TRAK1: variants seen among roughly 807,000 people sequenced by gnomAD.
The protein encoded by TRAK1 is trafficking kinesin protein 1.
Under a neutral mutation model 92.1 loss-of-function variants are expected in TRAK1, and 33 were observed. The observed-to-expected ratio is 0.36, with a 90% CI of 0.27 to 0.48. The LOEUF is 0.48. TRAK1 is among the 20% of genes least tolerant of loss of function. The pLI, the probability that TRAK1 is intolerant of heterozygous loss-of-function variation, is 0.99. For missense variants in TRAK1, 1,123 were observed against 1,257.9 expected, an observed-to-expected ratio of 0.89 and a Z score of 1.62; for synonymous variants, 521 against 517.3, an observed-to-expected ratio of 1.01 and a Z score of -0.10.
intron 1 of TRAK1, among the ~76,000 whole-genome samples, chr3:42,054,854 C>CTGTA (rs1703132003): frequency 7.1e-6 from 1 of 141,076 alleles, no homozygotes; most frequent in Non-Finnish European, 1.5e-5. Context: ...ATGCCCAAAG[C>CTGTA]TGTAGACTTA....
At chr3:42,218,308 A>C in intron 14 of TRAK1, 1 of 985,396 alleles carries the variant, frequency 1.0e-6, no homozygotes, top group Non-Finnish European at 1.2e-6. Flanking sequence ...AAGAGAAAAT[A>C]TACCATAAGG....
chr3:42,182,518 C>A (rs1704167926), intron 3 of TRAK1, among the ~76,000 whole-genome samples: 1 of 152,152 alleles, frequency 6.6e-6, no homozygotes, highest in African/African-American at 2.4e-5. Flanking sequence ...GTCTCAAACT[C>A]CTGACCTCAA....
At chr3:42,219,635 G>A (rs561214634) in intron 15 of TRAK1, 39 bp downstream of exon 15, 14 of 1,598,180 alleles carry the variant, frequency 8.8e-6, no homozygotes, top group Non-Finnish European at 1.0e-5. Context: ...GGGGTGGGGT[G>A]AAGTCAGGGC....
chr3:42,206,819 A>G (rs2149491941), intron 13 of TRAK1, among the ~76,000 whole-genome samples: 1 of 152,310 alleles, frequency 6.6e-6, no homozygotes, highest in South Asian at 2.1e-4. Context: ...TTTCTGTGGC[A>G]TCCTTAACTC....
chr3:42,078,769 A>AAAGAAAGAAAG (rs745414247), intron 1 of TRAK1, among the ~76,000 whole-genome samples: 2 of 144,484 alleles, frequency 1.4e-5, no homozygotes, highest in Admixed American at 6.9e-5. Flanking sequence ...AAAAAAAAAA[A>AAAGAAAGAAAG]AAAGAAAGAA....
chr3:42,066,911 T>A (rs942295994), intron 1 of TRAK1, among the ~76,000 whole-genome samples: 3 of 152,200 alleles, frequency 2.0e-5, no homozygotes, highest in African/African-American at 2.4e-5. Flanking sequence ...CCCCTCTGTG[T>A]CTTTGGTCCT....
intron 1 of TRAK1, among the ~76,000 whole-genome samples, chr3:42,056,480 T>G (rs1437685313): frequency 6.6e-6 from 1 of 152,246 alleles, no homozygotes; most frequent in African/African-American, 2.4e-5. Context: ...TTTGAAATTA[T>G]TATTGAAATA....
At chr3:42,205,768 T>A (rs1708257147) in intron 13 of TRAK1, among the ~76,000 whole-genome samples, 1 of 152,240 alleles carries the variant, frequency 6.6e-6, no homozygotes, top group Non-Finnish European at 1.5e-5. Flanking sequence ...TGGGGTTTCC[T>A]CTCCTTTGAT....
At chr3:42,160,588 T>A in intron 2 of TRAK1, 1 of 1,158,550 alleles carries the variant, frequency 8.6e-7, no homozygotes, top group Non-Finnish European at 1.2e-6. Context: ...TAAGTTGAGG[T>A]ATAAGTTAGA....
chr3:42,072,377 C>CTGGTAAAGGT (rs1703969944), intron 1 of TRAK1, among the ~76,000 whole-genome samples: 1 of 148,294 alleles, frequency 6.7e-6, no homozygotes, highest in African/African-American at 2.6e-5. Context: ...GAAAGCTCTG[C>CTGGTAAAGGT]TCGTAAAGGT....
intron 1 of TRAK1, among the ~76,000 whole-genome samples, chr3:42,100,716 G>T (rs1037660826): frequency 1.3e-5 from 2 of 152,152 alleles, no homozygotes. Flanking sequence ...GCCCAGGCTG[G>T]AGTGCAATGG....
At chr3:42,016,840 A>G (rs998194685) in intron 1 of TRAK1, among the ~76,000 whole-genome samples, 1 of 152,220 alleles carries the variant, frequency 6.6e-6, no homozygotes, top group African/African-American at 2.4e-5. Flanking sequence ...TGAGAGTTGC[A>G]GATATTCAGT....
At chr3:42,145,575 G>A (rs1699229395) in intron 2 of TRAK1, 1 of 151,710 alleles carries the variant, frequency 6.6e-6, no homozygotes, top group Admixed American at 6.6e-5. Context: ...ACATTTTCAT[G>A]CCTTAGCATA....
chr3:42,155,522 A>G (rs1399605482), intron 2 of TRAK1, among the ~76,000 whole-genome samples: 1 of 152,134 alleles, frequency 6.6e-6, no homozygotes, highest in African/African-American at 2.4e-5. Flanking sequence ...ATGTGGGCAG[A>G]AGTTAGCAGC....
chr3:42,101,982 C>T (rs1346577203), intron 1 of TRAK1, among the ~76,000 whole-genome samples: 1 of 152,090 alleles, frequency 6.6e-6, no homozygotes, highest in African/African-American at 2.4e-5. Context: ...TGAAATATCA[C>T]GTACTTATTT....
intron 14 of TRAK1, chr3:42,211,462 G>A (rs1709017478): frequency 2.0e-6 from 2 of 985,284 alleles, no homozygotes; most frequent in African/African-American, 1.7e-5. Context: ...AGAGAAACCA[G>A]CTGCGGTACT....
chr3:42,154,357 G>C (rs1451826634), intron 2 of TRAK1, among the ~76,000 whole-genome samples: 1 of 152,126 alleles, frequency 6.6e-6, no homozygotes, highest in Non-Finnish European at 1.5e-5. Flanking sequence ...GTTTTTAGTA[G>C]AGATGGAGTT....
intron 1 of TRAK1, among the ~76,000 whole-genome samples, chr3:42,122,188 T>C (rs186104485): frequency 3.0e-4 from 45 of 152,268 alleles, no homozygotes; most frequent in Middle Eastern, 3.4e-3. Flanking sequence ...TCATATGCTT[T>C]AAGGAAAAAG....
intron 7 of TRAK1, among the ~76,000 whole-genome samples, 171 bp from the exon 8 acceptor site, chr3:42,192,904 T>C (rs1363208815): frequency 2.0e-5 from 3 of 152,160 alleles, no homozygotes; most frequent in Non-Finnish European, 2.9e-5. Context: ...CTGCTTTGCT[T>C]CTCCATGTGG....
Sources: gnomAD v4.1 joint callset for allele counts (sites outside exome capture counted in the v4.1 genomes callset) on GRCh38, gnomAD v4.1.1 for gene constraint, MANE v1.5 for transcripts, NCBI Gene and HGNC (gene_info 2026-07-23, HGNC 2026-07-21) for gene names.